IQGAP2: variants seen among roughly 807,000 people sequenced by gnomAD.
IQGAP2 encodes ras GTPase-activating-like protein IQGAP2.
Under a neutral mutation model 201.3 loss-of-function variants are expected in IQGAP2, and 173 were observed. That is an observed-to-expected ratio of 0.86 (90% CI 0.76 to 0.98). The LOEUF is 0.98. Among genes scored for constraint, IQGAP2 ranks in the 50% least tolerant of loss-of-function variants. IQGAP2 has a pLI of 0.00. For missense variants in IQGAP2, 1,687 were observed against 1,864.8 expected (o/e 0.90, Z 1.76); for synonymous variants, 675 against 673.9 (o/e 1.00, Z -0.03).
At chr5:76,644,307 T>TTTTTTTTTTTTTTTTTTTTTTTTTTTTTG (rs1751850894) in intron 17 of IQGAP2, among the ~76,000 whole-genome samples, 1 of 109,594 alleles carries the variant, frequency 9.1e-6, no homozygotes, top group African/African-American at 3.3e-5. Flanking sequence ...TTTTTTTTTT[T>TTTTTTTTTTTTTTTTTTTTTTTTTTTTTG]TTTTTTTTTT....
At chr5:76,416,552 G>GTC (rs1350111574) in intron 1 of IQGAP2, among the ~76,000 whole-genome samples, 1 of 140,992 alleles carries the variant, frequency 7.1e-6, no homozygotes, top group Non-Finnish European at 1.5e-5. Flanking sequence ...TTGAGACGGA[G>GTC]TCTCACTCTG....
chr5:76,516,873 A>T (rs1182580296), intron 2 of IQGAP2, among the ~76,000 whole-genome samples: 1 of 152,218 alleles, frequency 6.6e-6, no homozygotes, highest in Admixed American at 6.5e-5. Context: ...AACTTAAAAA[A>T]TTTTATTTTT....
chr5:76,474,798 C>T lies in IQGAP2; in HGVS notation c.146+13129C>T, dbSNP rs375105115. On this transcript the variant is annotated intron_variant, in intron 2 of 35. Transcript: ENST00000274364. ...TAAGGCCATCTCTAAGGACAACCTC[C>T]GCCTCCCAGGTTCAAGCGATTCTCC... 1.1e-3 allele frequency among the ~76,000 whole-genome samples: 169 copies of T among 152,284 alleles called. No homozygotes were observed. The Middle Eastern group carries it at 0.024, about 21-fold the overall frequency.
chr5:76,488,711 GGA>G (rs1241909713), intron 2 of IQGAP2, among the ~76,000 whole-genome samples: 1 of 152,188 alleles, frequency 6.6e-6, no homozygotes, highest in Admixed American at 6.5e-5. Flanking sequence ...GTTGCCTCAA[GGA>G]GAGAGGTTGT....
At chr5:76,430,038 C>T (rs904244553) in intron 1 of IQGAP2, among the ~76,000 whole-genome samples, 2 of 152,008 alleles carry the variant, frequency 1.3e-5, no homozygotes, top group African/African-American at 2.4e-5. Context: ...CTAGTGCAGC[C>T]CTCAGATTCC....
At chr5:76,539,038 A>G (rs1157220155) in intron 2 of IQGAP2, among the ~76,000 whole-genome samples, 3 of 152,132 alleles carry the variant, frequency 2.0e-5, no homozygotes, top group African/African-American at 7.2e-5. Context: ...AGCCTGTGCA[A>G]AGGACAGCAG....
chr5:76,683,025 TGAG>T (rs1425305987), intron 28 of IQGAP2, 87 bp from the exon 29 acceptor site: 4 of 702,466 alleles, frequency 5.7e-6, no homozygotes, highest in Non-Finnish European at 7.2e-6. Context: ...TTAAATGGTA[TGAG>T]GAGGAAATTA....
At chr5:76,611,331 G>T in intron 13 of IQGAP2, 148 bp downstream of exon 13, 1 of 600,636 alleles carries the variant, frequency 1.7e-6, no homozygotes, top group Non-Finnish European at 2.8e-6. Context: ...TAATAGAGCT[G>T]TTATTTTCCT....
chr5:76,658,315 G>T (rs1742936238), intron 20 of IQGAP2, 144 bp from the exon 21 acceptor site: 1 of 691,854 alleles, frequency 1.4e-6, no homozygotes. Context: ...TAAATTGTGT[G>T]GGGGTGGGTA....
chr5:76,473,402 T>A (rs901794868), intron 2 of IQGAP2, among the ~76,000 whole-genome samples: 2 of 152,202 alleles, frequency 1.3e-5, no homozygotes, highest in African/African-American at 4.8e-5. Context: ...TATAAGTAGT[T>A]TGTTCTGGGA....
intron 1 of IQGAP2, among the ~76,000 whole-genome samples, chr5:76,427,848 G>A (rs1177507064): frequency 6.6e-6 from 1 of 152,226 alleles, no homozygotes; most frequent in African/African-American, 2.4e-5. Context: ...CTGAGCGGGG[G>A]CAGCATAAGC....
intron 1 of IQGAP2, among the ~76,000 whole-genome samples, 156 bp from the exon 2 acceptor site, chr5:76,461,414 A>T (rs1261841531): frequency 6.6e-6 from 1 of 152,022 alleles, no homozygotes; most frequent in Non-Finnish European, 1.5e-5. Flanking sequence ...ATATTGTAAA[A>T]TCCAAAGGCA....
rs368353933 is a variant in IQGAP2, at chr5:76,597,536, T to C, written c.1005T>C (p.Ala335=). ...AGAAACCAGAGGCCCAGCTGCCTGC[T>C]GTTTATCCCTTTGCTGCTGCCATGT... ...ALKKPEAQLP[A]VYPFAAAMYQ... is the part of the protein sequence containing the mutation. Residue 335 remains alanine, a synonymous_variant, in exon 10 of 36, where the codon GCT becomes GCC. Coordinates refer to ENST00000274364, the MANE Select transcript of IQGAP2 (RefSeq NM_006633.5). 5.0e-6 allele frequency: 8 copies of C among 1,613,818 alleles called. No homozygotes were observed. The highest frequency in any genetic ancestry group is 6.8e-6 in the Non-Finnish European group (8 of 1,179,958).
At chr5:76,575,991 A>T (rs1038290155) in intron 5 of IQGAP2, among the ~76,000 whole-genome samples, 15 of 152,328 alleles carry the variant, frequency 9.8e-5, no homozygotes, top group African/African-American at 3.4e-4. Flanking sequence ...AACTCAAAAT[A>T]GAAAACCAGA....
chr5:76,695,565 CAGA>C lies in IQGAP2; in HGVS notation c.4112_4114del (p.Lys1371del), dbSNP rs1320781962. 2.5e-6 allele frequency: 4 copies of C among 1,613,962 alleles called. No homozygotes were observed. Among genetic ancestry groups the C allele is most frequent in the Non-Finnish European group, 3.4e-6 (4 of 1,179,952 alleles). The stretch of plus-strand genomic sequence containing the variant: ...TGAAGATGCACAGCTGCCTCTTGAG[CAGA>C]AGAAGAGGAAAATCCAGAGGAATCT... On this transcript the variant is annotated inframe_deletion, in exon 32 of 36. Transcript: ENST00000274364.
intron 17 of IQGAP2, among the ~76,000 whole-genome samples, chr5:76,644,967 T>G (rs2150411273): frequency 6.6e-6 from 1 of 152,234 alleles, no homozygotes; most frequent in South Asian, 2.1e-4. Flanking sequence ...ACCATCTAGA[T>G]TAGGTATTTC....
At chr5:76,566,901 A>T (rs990179701) in intron 3 of IQGAP2, among the ~76,000 whole-genome samples, 1 of 151,898 alleles carries the variant, frequency 6.6e-6, no homozygotes, top group African/African-American at 2.4e-5. Flanking sequence ...GAAGGTTTCC[A>T]TGGTGGGGAC....
chr5:76,462,474 C>G (rs1186938190), intron 2 of IQGAP2, among the ~76,000 whole-genome samples: 1 of 152,194 alleles, frequency 6.6e-6, no homozygotes, highest in East Asian at 1.9e-4. Context: ...AGTGCAAATA[C>G]TTTCCTCATG....
At chr5:76,632,165 T>C in intron 15 of IQGAP2, 139 bp downstream of exon 15, 1 of 693,582 alleles carries the variant, frequency 1.4e-6, no homozygotes, top group Non-Finnish European at 2.3e-6. Context: ...GCTAAGGAAA[T>C]TAGGAAAAGT....
Sources: allele counts gnomAD v4.1 joint callset (sites outside exome capture counted in the v4.1 genomes callset), GRCh38; gene constraint gnomAD v4.1.1; transcripts MANE v1.5; gene names NCBI Gene and HGNC (gene_info 2026-07-23, HGNC 2026-07-21).